The following SCYL3 variants were observed in gnomAD, a reference collection of about 807,000 sequenced individuals.
SCYL3 encodes protein-associating with the carboxyl-terminal domain of ezrin.
SCYL3 carries 35 observed loss-of-function variants against 73.8 expected under a neutral mutation model. That is an observed-to-expected ratio of 0.47 (90% confidence interval 0.36 to 0.63). The LOEUF (loss-of-function observed/expected upper bound fraction) is 0.63. Ranked by LOEUF, SCYL3 falls within the 20% of genes least tolerant of loss-of-function variation. SCYL3 has a pLI of 0.00. For missense variants in SCYL3, 712 were observed against 798.9 expected (o/e 0.89, Z 1.31); for synonymous variants, 277 against 295.2 (o/e 0.94, Z 0.63).
intron 9 of SCYL3, 50 bp from the exon 10 acceptor site, chr1:169,862,847 G>T: frequency 6.4e-7 from 1 of 1,574,672 alleles, no homozygotes; most frequent in Non-Finnish European, 8.7e-7. Context: ...TTTCATTTCA[G>T]TGAAAAGTAT....
chr1:169,855,205 G>T (rs992423441), intron 11 of SCYL3, among the ~76,000 whole-genome samples: 1 of 152,098 alleles, frequency 6.6e-6, no homozygotes, highest in Non-Finnish European at 1.5e-5. Context: ...AATAACTAGT[G>T]CATTCAATCC....
chr1:169,870,402 A>C (rs779338689), intron 5 of SCYL3, 45 bp from the exon 6 acceptor site: 5 of 1,354,820 alleles, frequency 3.7e-6, no homozygotes, highest in Non-Finnish European at 5.2e-6. Flanking sequence ...CTGCCTTATA[A>C]GCCATTTCTA....
intron 4 of SCYL3, among the ~76,000 whole-genome samples, chr1:169,875,005 C>A (rs1228689055): frequency 6.6e-6 from 1 of 152,070 alleles, no homozygotes; most frequent in Non-Finnish European, 1.5e-5. Context: ...GCCTTATATC[C>A]CATGGCAAAG....
At chr1:169,854,136 C>CTGAT (rs1558111843) in intron 12 of SCYL3, 134 bp downstream of exon 12, 5 of 687,692 alleles carry the variant, frequency 7.3e-6, no homozygotes, top group African/African-American at 6.2e-5. Context: ...ATGATAGAAA[C>CTGAT]TGATTTTGTT....
chr1:169,881,201 A>G (rs983520767), intron 2 of SCYL3, among the ~76,000 whole-genome samples: 2 of 152,250 alleles, frequency 1.3e-5, no homozygotes, highest in African/African-American at 2.4e-5. Flanking sequence ...AGGAGGCTGA[A>G]GATACCTACA....
Position 169,854,982 on chromosome 1 carries a change from A to C in SCYL3, c.1313-18T>G, listed in dbSNP as rs752045990. 2.4e-5 allele frequency: 36 copies of C among 1,530,736 alleles called. No homozygotes were observed. The highest frequency in any genetic ancestry group is 2.9e-5 in the Non-Finnish European group (33 of 1,124,816). The allele number at this position is 1,530,736 out of a possible 1,614,324, so 94.8% of individuals were successfully genotyped here. On this transcript the variant is annotated intron_variant, in intron 11 of 12. Coordinates refer to ENST00000367771, the MANE Select transcript of SCYL3 (RefSeq NM_020423.7). Reference sequence around the variant, plus strand: ...TGGATCGCCTGTAGGGAAAATAATTATTCTCATAAAATACTGGTTAAAGGT... The same window carrying C: ...TGGATCGCCTGTAGGGAAAATAATTCTTCTCATAAAATACTGGTTAAAGGT...
At chr1:169,879,157 CAG>C (rs1443222550) in intron 2 of SCYL3, among the ~76,000 whole-genome samples, 1 of 152,124 alleles carries the variant, frequency 6.6e-6, no homozygotes, top group East Asian at 1.9e-4. Context: ...CAAATGCAAA[CAG>C]ATTATGGAGG....
chr1:169,888,679 G>C lies in SCYL3; in HGVS notation c.162C>G (p.Ala54=). The C allele has an allele frequency of 1.9e-6, 3 of 1,612,880 alleles. No homozygotes were observed. Among genetic ancestry groups the C allele is most frequent in the Non-Finnish European group, 2.5e-6 (3 of 1,179,278 alleles). The change falls in exon 2 of 13, where the codon GCC becomes GCG. Residue 54 remains alanine, a synonymous_variant. Coordinates refer to ENST00000367771, the MANE Select transcript of SCYL3 (RefSeq NM_020423.7). The part of the protein sequence containing the change: ...RENEDKVNKA[A]KHLKTLRHPC... ...AAGTCGTCACCTATTATGGTACCTTGGCAGCTTTATTAACCTTGTCTTCAT... is the reference window on the plus strand; with the variant it reads ...AAGTCGTCACCTATTATGGTACCTTCGCAGCTTTATTAACCTTGTCTTCAT...
chr1:169,852,752 G>A lies in SCYL3; in HGVS notation c.*961C>T, dbSNP rs748849508. On this transcript the variant is annotated 3_prime_UTR_variant, in exon 13 of 13. Coordinates refer to ENST00000367771, the MANE Select transcript of SCYL3 (RefSeq NM_020423.7). ...CCAAAAGGAAGGTTCTTTATATTTA[G>A]AATGGATATTGTGATATTACTTATG... 3 of 1,595,284 alleles carry A rather than the reference G, an allele frequency of 1.9e-6. No homozygotes were observed. In the African/African-American group the frequency reaches 4.0e-5, roughly 22 times the overall value.
chr1:169,890,693 C>T (rs1662022894), intron 1 of SCYL3, among the ~76,000 whole-genome samples: 1 of 152,180 alleles, frequency 6.6e-6, no homozygotes, highest in Non-Finnish European at 1.5e-5. Flanking sequence ...AAAAATGTTG[C>T]TGAGAATAAG....
At position 169,852,840 on chromosome 1, in the gene SCYL3, G is replaced by A. The variant is rs779361062; in HGVS notation, c.*873C>T. ...AGTTCCCCTGGGAAGAAGAGTACAG[G>A]TCAGCGCTGCATACAATAGCAGGGG... On this transcript the variant is annotated 3_prime_UTR_variant, in exon 13 of 13. Transcript: ENST00000367771. 6 of 1,613,990 alleles carry A rather than the reference G, an allele frequency of 3.7e-6. No homozygotes were observed. The highest frequency in any genetic ancestry group is 5.1e-6 in the Non-Finnish European group (6 of 1,180,002).
At chr1:169,888,946 AAG>A in intron 1 of SCYL3, 56 bp from the exon 2 acceptor site, 1 of 1,023,760 alleles carries the variant, frequency 9.8e-7, no homozygotes, top group Non-Finnish European at 1.4e-6. Flanking sequence ...CAACATCAAC[AAG>A]AGATATCCAG....
chr1:169,871,625 CAGA>C lies in SCYL3; in HGVS notation c.523-1271_523-1269del, dbSNP rs1454721220. On this transcript the variant is annotated intron_variant, in intron 5 of 12. Transcript: ENST00000367771. Reference sequence around the variant, plus strand: ...AAAGGCTGGAACAGTTTGGAGGGTTCAGAAGAAGACAGGAAAATGTGGGAAAGT... The same window carrying C: ...AAAGGCTGGAACAGTTTGGAGGGTTCAGAAGACAGGAAAATGTGGGAAAGT... Among the ~76,000 whole-genome samples the C allele has an allele frequency of 3.3e-5, 5 of 152,118 alleles. No homozygotes were observed. The South Asian group carries it at 6.2e-4, about 19-fold the overall frequency.
chr1:169,853,037 C>T lies in SCYL3; in HGVS notation c.*676G>A. The stretch of plus-strand genomic sequence containing the variant: ...TTTGATGCTTTGTCAACTGAAAATA[C>T]TTATGTCTGTACATTTTCTAACAGA... On this transcript the variant is annotated 3_prime_UTR_variant, in exon 13 of 13. Coordinates refer to ENST00000367771, the MANE Select transcript of SCYL3 (RefSeq NM_020423.7). 6.4e-7 allele frequency: 1 copy of T among 1,562,694 alleles called. No homozygotes were observed. The highest frequency in any genetic ancestry group is 8.8e-7 in the Non-Finnish European group (1 of 1,135,176).
In SCYL3 at chr1:169,876,047, C is replaced by G. The variant is rs1308904944; in HGVS notation, c.396G>C (p.Val132=). The G allele has an allele frequency of 6.2e-7, 1 of 1,611,472 alleles. No individual in the cohort carries two copies. Among genetic ancestry groups the G allele is most frequent in the African/African-American group, 1.3e-5 (1 of 74,712 alleles). ...HNNVCLSSVF[V]SEDGHWKLGG... is the part of the protein sequence containing the mutation. ...CTAGCTTCCAGTGTCCATCTTCACT[C>G]ACAAACACAGATGATAAACAGACAT... The change falls in exon 4 of 13, where the codon GTG becomes GTC. Residue 132 remains valine (V), a synonymous_variant. Coordinates refer to ENST00000367771, the MANE Select transcript of SCYL3 (RefSeq NM_020423.7).
chr1:169,863,903 A>C (rs1346844238), intron 9 of SCYL3, among the ~76,000 whole-genome samples: 2 of 152,030 alleles, frequency 1.3e-5, no homozygotes, highest in African/African-American at 4.8e-5. Flanking sequence ...TACCATCTCT[A>C]GTGCTATAAA....
intron 11 of SCYL3, among the ~76,000 whole-genome samples, chr1:169,856,485 G>A (rs1314462615): frequency 1.3e-5 from 2 of 152,132 alleles, no homozygotes; most frequent in Admixed American, 1.3e-4. Context: ...AAAAAAATGG[G>A]CATTGGTCAA....
rs753293046 is a variant in SCYL3 at position 169,888,832 on chromosome 1, T to G, written c.9A>C (p.Ser3=). 9 of 1,611,072 alleles carry G rather than the reference T, an allele frequency of 5.6e-6. No individual in the cohort carries two copies. The highest frequency in any genetic ancestry group is 3.4e-5 in the Admixed American group (2 of 59,672). The change falls in exon 2 of 13, where the codon TCA becomes TCC. Residue 3 remains serine, a synonymous_variant. Transcript: ENST00000367771. MG[S]ENSALKSYTL... ...TATAGCTCTTTAAAGCACTGTTCTC[T>G]GATCCCATCCCTTATGCAGTGAGGC... is the stretch of plus-strand genomic sequence containing the variant.
chr1:169,859,327 A>G (rs1171397360), intron 10 of SCYL3, 115 bp from the exon 11 acceptor site: 22 of 997,600 alleles, frequency 2.2e-5, no homozygotes, highest in Non-Finnish European at 2.7e-5. Flanking sequence ...ACATTATCTT[A>G]GATATGTGTT....
Sources: gnomAD v4.1 joint callset for allele counts (sites outside exome capture counted in the v4.1 genomes callset) on GRCh38, gnomAD v4.1.1 for gene constraint, MANE v1.5 for transcripts, NCBI Gene and HGNC (gene_info 2026-07-23, HGNC 2026-07-21) for gene names.